Variants in MGST1 observed in about 807,000 individuals in gnomAD.
MGST1 encodes the protein microsomal glutathione S-transferase 1, also known as glutathione S-transferase 12.
MGST1 carries 5 observed loss-of-function variants against 8.9 expected under a neutral mutation model. The ratio of observed to expected loss-of-function variants is 0.56; its 90% CI spans 0.29 to 1.19. The LOEUF is 1.19. Ranked by LOEUF, MGST1 falls within the 50% of genes most tolerant of loss-of-function variation. The pLI is 0.08. For synonymous variants in MGST1, 54 were observed against 67.8 expected, an observed-to-expected ratio of 0.80 and a Z score of 1.00; for missense variants, 182 against 187.4, an observed-to-expected ratio of 0.97 and a Z score of 0.17.
chr12:16,391,801 A>G (rs1352318811), intron 1 of MGST1, among the ~76,000 whole-genome samples: 1 of 152,148 alleles, frequency 6.6e-6, no homozygotes, highest in Non-Finnish European at 1.5e-5. Context: ...TGGCATCTTC[A>G]TCATGAAATT....
intron 1 of MGST1, among the ~76,000 whole-genome samples, chr12:16,417,496 A>C (rs2137080665): frequency 6.6e-6 from 1 of 152,314 alleles, no homozygotes; most frequent in South Asian, 2.1e-4. Context: ...TAGTATAGAA[A>C]TGAATGAAAA....
chr12:16,516,603 TG>T (rs750502456), intron 4 of MGST1, among the ~76,000 whole-genome samples: 3 of 152,220 alleles, frequency 2.0e-5, no homozygotes, highest in Non-Finnish European at 4.4e-5. Context: ...TCTGAAATTC[TG>T]TGGGCCCACA....
At position 16,363,663 on chromosome 12, in the gene MGST1, A is replaced by C; in HGVS notation, c.222-132A>C. 1.4e-6 allele frequency: 1 copy of C among 727,394 alleles called. No homozygotes were observed. The highest frequency in any genetic ancestry group is 2.0e-6 in the Non-Finnish European group (1 of 494,646). 45.1% of individuals were successfully genotyped at this position (727,394 alleles called of 1,614,324 possible). Reference sequence around the variant, plus strand: ...GCAAGGAAGCAAGACAATTTGAGAGAAAAAAAATAAATCTTACTTTGAAAT... The same window carrying C: ...GCAAGGAAGCAAGACAATTTGAGAGCAAAAAAATAAATCTTACTTTGAAAT... On this transcript the variant is annotated intron_variant, in intron 3 of 3. Coordinates refer to ENST00000396210, the MANE Select transcript of MGST1 (RefSeq NM_020300.5). The surrounding 1 kb of genome is among the most constrained non-coding windows in gnomAD (Gnocchi z 4.6).
At chr12:16,474,624 C>A (rs1056233086) in intron 4 of MGST1, among the ~76,000 whole-genome samples, 1 of 152,194 alleles carries the variant, frequency 6.6e-6, no homozygotes, top group African/African-American at 2.4e-5. Flanking sequence ...ATTCATATAA[C>A]CTTTTTGATC....
rs1565437259 is a variant in MGST1, at chr12:16,360,352, G to A, written c.221+2653G>A. The A allele has an allele frequency of 6.1e-6, 6 of 985,284 alleles. No homozygotes were observed. In the South Asian group the frequency reaches 1.4e-4, roughly 23 times the overall value. The allele number at this position is 985,284 out of a possible 1,614,324, so 61.0% of individuals were successfully genotyped here. A position where few individuals can be genotyped will look rare whatever the true frequency, so the allele number is the denominator to read the frequency against. Reference sequence around the variant, plus strand: ...ATTTGAACGGCAGAGCCAGAATGGGGCTACAAATGAAGTGAAAAGTATGCT... The same window carrying A: ...ATTTGAACGGCAGAGCCAGAATGGGACTACAAATGAAGTGAAAAGTATGCT... On this transcript the variant is annotated intron_variant, in intron 3 of 3. Transcript: ENST00000396210.
intron 4 of MGST1, among the ~76,000 whole-genome samples, chr12:16,470,886 A>C (rs1156894157): frequency 6.6e-6 from 1 of 152,220 alleles, no homozygotes; most frequent in East Asian, 1.9e-4. Context: ...TTAAAACAAA[A>C]TTTCCACCAA....
chr12:16,475,171 A>G (rs1201062590), intron 4 of MGST1, among the ~76,000 whole-genome samples: 1 of 152,198 alleles, frequency 6.6e-6, no homozygotes, highest in Admixed American at 6.5e-5. Context: ...AACCAATTCT[A>G]TATCCCTAAC....
intron 4 of MGST1, chr12:16,514,021 C>T (rs1941594669): frequency 4.8e-6 from 2 of 420,560 alleles, no homozygotes; most frequent in Non-Finnish European, 9.3e-6. Flanking sequence ...TGCTTGCTCC[C>T]ATAATCCCAC....
At chr12:16,558,871 C>A (rs1942289099) in intron 4 of MGST1, among the ~76,000 whole-genome samples, 1 of 152,084 alleles carries the variant, frequency 6.6e-6, no homozygotes. Flanking sequence ...TTAATTATTT[C>A]ATTTAAGTTT....
chr12:16,489,636 G>A (rs1941425566), intron 4 of MGST1, among the ~76,000 whole-genome samples: 1 of 152,158 alleles, frequency 6.6e-6, no homozygotes, highest in African/African-American at 2.4e-5. Flanking sequence ...CAACAATGTT[G>A]TTATAGATGA....
intron 1 of MGST1, among the ~76,000 whole-genome samples, chr12:16,422,078 C>T (rs529920362): frequency 1.3e-5 from 2 of 152,244 alleles, no homozygotes; most frequent in South Asian, 2.1e-4. Context: ...ATCATAGATA[C>T]TCCATTCTTG....
At chr12:16,434,733 C>G (rs1017897739) in intron 1 of MGST1, among the ~76,000 whole-genome samples, 1 of 151,690 alleles carries the variant, frequency 6.6e-6, no homozygotes, top group South Asian at 2.1e-4. Context: ...GCATTCAGTT[C>G]CCTTTGGGGA....
At chr12:16,348,969 C>G (rs1565430848) in intron 1 of MGST1, 1 of 152,238 alleles carries the variant, frequency 6.6e-6, no homozygotes. Flanking sequence ...CCACCACTCT[C>G]CCGAGAGGCA....
chr12:16,537,693 G>A lies in MGST1; in HGVS notation n.483-51835G>A, dbSNP rs1941764112. Among the ~76,000 whole-genome samples the A allele has an allele frequency of 6.6e-6, 1 of 152,210 alleles. No individual in the cohort carries two copies. Among genetic ancestry groups the A allele is most frequent in the South Asian group, 2.1e-4 (1 of 4,828 alleles). On this transcript the variant is annotated intron_variant and non_coding_transcript_variant, in intron 4 of 4. Transcript: ENST00000538857. This position sits in a 1 kb window ranked among gnomAD's most constrained non-coding sequence, Gnocchi z 4.6. ...CATGTGAAAGGTGCCAAGGTTTGGA[G>A]TTTGCACCCTCTCAAACCATGAGCT...
exon 4 of MGST1, chr12:16,376,633 G>A (rs933319664): frequency 6.6e-6 from 1 of 151,028 alleles, no homozygotes; most frequent in East Asian, 1.9e-4. Context: ...GCAACGTATG[G>A]ATGTGATTTG....
chr12:16,515,498 C>A (rs1257860123), intron 4 of MGST1, among the ~76,000 whole-genome samples: 1 of 151,998 alleles, frequency 6.6e-6, no homozygotes, highest in African/African-American at 2.4e-5. Flanking sequence ...GGCATAGTAG[C>A]GGGAGCCTGT....
At chr12:16,526,991 TATC>T (rs1169997510) in intron 4 of MGST1, among the ~76,000 whole-genome samples, 233 of 152,130 alleles carry the variant, frequency 1.5e-3, no homozygotes, top group East Asian at 1.4e-3. Flanking sequence ...CTGCTGTATC[TATC>T]ATCATCTACA....
At chr12:16,511,121 C>A (rs1941573897) in intron 4 of MGST1, among the ~76,000 whole-genome samples, 1 of 152,082 alleles carries the variant, frequency 6.6e-6, no homozygotes, top group African/African-American at 2.4e-5. Flanking sequence ...AAATTGTTTG[C>A]ATTTTTAAAA....
At chr12:16,484,047 A>G (rs1002080823) in intron 4 of MGST1, among the ~76,000 whole-genome samples, 2 of 152,256 alleles carry the variant, frequency 1.3e-5, no homozygotes, top group African/African-American at 4.8e-5. Flanking sequence ...CAGAAAGATA[A>G]CTACGTATGC....
Sources: gnomAD v4.1 joint callset for allele counts (sites outside exome capture counted in the v4.1 genomes callset) on GRCh38, gnomAD v4.1.1 for gene constraint, Gnocchi (gnomAD v3.1) non-coding constraint, MANE v1.5 for transcripts, NCBI Gene and HGNC (gene_info 2026-07-23, HGNC 2026-07-21) for gene names.